The following PACC1 variants were observed in gnomAD, a reference collection of about 807,000 sequenced individuals.
The protein encoded by PACC1 is proton activated chloride channel 1, also known as proton-activated chloride channel.
Under a neutral mutation model 39.7 loss-of-function variants are expected in PACC1, and 34 were observed. The ratio of observed to expected loss-of-function variants is 0.86; its 90% confidence interval spans 0.65 to 1.14. The LOEUF (loss-of-function observed/expected upper bound fraction) is 1.14. Among genes scored for constraint, PACC1 ranks in the 50% most tolerant of loss-of-function variants. PACC1 has a pLI of 0.00. For missense variants in PACC1, 379 were observed against 436.4 expected (o/e 0.87, Z 1.17); for synonymous variants, 127 against 160.6 (o/e 0.79, Z 1.58).
chr1:212,369,700 G>A (rs889233715), intron 7 of PACC1, among the ~76,000 whole-genome samples: 2 of 150,626 alleles, frequency 1.3e-5, no homozygotes, highest in African/African-American at 4.9e-5. Context: ...AGAATCACTT[G>A]AACCCGGGAG....
At chr1:212,378,062 C>T (rs1026438214) in intron 5 of PACC1, among the ~76,000 whole-genome samples, 7 of 152,132 alleles carry the variant, frequency 4.6e-5, no homozygotes, top group Non-Finnish European at 7.3e-5. Flanking sequence ...CAGAACATGG[C>T]GCTCACAGCT....
chr1:212,392,078 A>C (rs1329810350), intron 2 of PACC1, among the ~76,000 whole-genome samples: 1 of 152,234 alleles, frequency 6.6e-6, no homozygotes, highest in African/African-American at 2.4e-5. Context: ...ATTCAAATTC[A>C]GGAAATACAG....
chr1:212,380,933 G>GA (rs1229833893), intron 4 of PACC1, among the ~76,000 whole-genome samples: 1 of 152,150 alleles, frequency 6.6e-6, no homozygotes, highest in Non-Finnish European at 1.5e-5. Flanking sequence ...TGAATTTATA[G>GA]ATTAATTTTA....
In PACC1 at chr1:212,379,933, A is replaced by G; in HGVS notation, c.600T>C (p.Asp200=). Residue 200 remains aspartate (D), a synonymous_variant, in exon 5 of 8, where the codon GAT becomes GAC. Coordinates refer to ENST00000261455, the MANE Select transcript of PACC1 (RefSeq NM_018252.3). ...NKSSEDFSAI[D]YLLFSSFQEF... ...CCTGGAAAGAAGAGAAGAGGAGGTA[A>G]TCAATGGCGCTGAAGTCCTCACTAC... 6.2e-7 allele frequency: 1 copy of G among 1,614,228 alleles called. No homozygotes were observed. The highest frequency in any genetic ancestry group is 8.5e-7 in the Non-Finnish European group (1 of 1,180,028).
chr1:212,365,435 T>A, intron 7 of PACC1, 59 bp from the exon 8 acceptor site: 1 of 1,472,732 alleles, frequency 6.8e-7, no homozygotes, highest in Non-Finnish European at 9.0e-7. Context: ...GATTCTTTTT[T>A]TTTTTTTTTT....
intron 4 of PACC1, among the ~76,000 whole-genome samples, chr1:212,383,764 G>A (rs1270207906): frequency 1.3e-5 from 2 of 152,214 alleles, no homozygotes; most frequent in African/African-American, 4.8e-5. Context: ...AGCACACTGA[G>A]TTTTCCAGTG....
chr1:212,394,530 C>G (rs1221783484), intron 2 of PACC1, among the ~76,000 whole-genome samples: 1 of 152,140 alleles, frequency 6.6e-6, no homozygotes, highest in Non-Finnish European at 1.5e-5. Flanking sequence ...TGGCACAAGA[C>G]AGGGATGCCC....
rs534515809 is a variant in PACC1, at chr1:212,386,558, C to A, written c.343+333G>T. 1.3e-5 allele frequency among the ~76,000 whole-genome samples: 2 copies of A among 152,274 alleles called. No individual in the cohort carries two copies. Among genetic ancestry groups the A allele is most frequent in the South Asian group, 4.1e-4 (2 of 4,826 alleles). On this transcript the variant is annotated intron_variant, in intron 3 of 7. Coordinates refer to ENST00000261455, the MANE Select transcript of PACC1 (RefSeq NM_018252.3). The surrounding 1 kb of genome is among the most constrained non-coding windows in gnomAD (Gnocchi z 5.0). ...GAGAAGCCCTCTGCCTCCCTAGACA[C>A]CCCTTCGCTCTGCTGATCCCCATCC...
At chr1:212,381,104 C>T (rs1660862734) in intron 4 of PACC1, among the ~76,000 whole-genome samples, 1 of 152,194 alleles carries the variant, frequency 6.6e-6, no homozygotes, top group East Asian at 1.9e-4. Context: ...CTTATCCTTT[C>T]TAGTTTTTGT....
chr1:212,385,372 C>T lies in PACC1; in HGVS notation c.397G>A (p.Glu133Lys), dbSNP rs1006449616. Residue 133 changes from glutamate (E) to lysine (K), a missense_variant, in exon 4 of 8, where the codon GAG becomes AAG. Glu to Lys is a moderately conservative substitution (Grantham distance 56). Coordinates refer to ENST00000261455, the MANE Select transcript of PACC1 (RefSeq NM_018252.3). Reference sequence around the variant, plus strand: ...GGGCTTGTCAGAGGAGGAATGACCTCGTAATGGTGCTTACAGCTGAGCAAC... The same window carrying T: ...GGGCTTGTCAGAGGAGGAATGACCTTGTAATGGTGCTTACAGCTGAGCAAC... ...AQLLSCKHHY[E>K]VIPPLTSPGQ... 1.9e-6 allele frequency: 3 copies of T among 1,613,974 alleles called. No individual in the cohort carries two copies. The highest frequency in any genetic ancestry group is 2.2e-5 in the South Asian group (2 of 91,038).
At chr1:212,378,507 C>T (rs1419202265) in intron 5 of PACC1, among the ~76,000 whole-genome samples, 5 of 152,200 alleles carry the variant, frequency 3.3e-5, no homozygotes, top group Admixed American at 6.5e-5. Context: ...GCCTCCCTGC[C>T]CCTGTAGCTG....
rs562361338 is a variant in PACC1, at chr1:212,372,319, A to C, written c.891+2874T>G. The stretch of plus-strand genomic sequence containing the variant: ...ACAAAAAACAAAAAACAAAAAAAAA[A>C]CAAAAAACTCAACAAACTGAGTATA... On this transcript the variant is annotated intron_variant, in intron 7 of 7. Coordinates refer to ENST00000261455, the MANE Select transcript of PACC1 (RefSeq NM_018252.3). Among the ~76,000 whole-genome samples the C allele has an allele frequency of 3.3e-3, 504 of 151,910 alleles. 1 individual carries two copies. The highest frequency in any genetic ancestry group is 5.5e-3 in the Non-Finnish European group (377 of 67,942).
At chr1:212,375,670 A>G (rs977989921) in intron 6 of PACC1, among the ~76,000 whole-genome samples, 22 of 152,202 alleles carry the variant, frequency 1.4e-4, no homozygotes, top group Non-Finnish European at 1.2e-4. Context: ...AGATCACCTG[A>G]GGTCAGGAGT....
At chr1:212,383,090 G>A (rs1660965032) in intron 4 of PACC1, among the ~76,000 whole-genome samples, 1 of 152,198 alleles carries the variant, frequency 6.6e-6, no homozygotes, top group African/African-American at 2.4e-5. Context: ...GGTGGATAGG[G>A]AGGAGATAAC....
chr1:212,405,314 G>A (rs1558182486), intron 2 of PACC1, among the ~76,000 whole-genome samples: 1 of 152,326 alleles, frequency 6.6e-6, no homozygotes, highest in East Asian at 1.9e-4. Context: ...CAGTAAAGGA[G>A]GAGAAGACAA....
At chr1:212,404,838 G>A (rs1661849423) in intron 2 of PACC1, among the ~76,000 whole-genome samples, 1 of 151,778 alleles carries the variant, frequency 6.6e-6, no homozygotes, top group Non-Finnish European at 1.5e-5. Context: ...GCACAATCTC[G>A]GCTCATTGCA....
intron 5 of PACC1, among the ~76,000 whole-genome samples, chr1:212,378,750 C>T (rs1436234754): frequency 6.6e-6 from 1 of 152,116 alleles, no homozygotes; most frequent in South Asian, 2.1e-4. Flanking sequence ...ACCAGAGATG[C>T]AGTAGACCCT....
intron 2 of PACC1, among the ~76,000 whole-genome samples, chr1:212,402,387 T>C (rs1050424060): frequency 1.1e-4 from 16 of 152,220 alleles, no homozygotes; most frequent in South Asian, 2.1e-4. Context: ...CTCATCGTGA[T>C]TTAGAGTTGC....
intron 7 of PACC1, among the ~76,000 whole-genome samples, chr1:212,367,232 C>T (rs1302959072): frequency 1.3e-5 from 2 of 152,152 alleles, no homozygotes; most frequent in Non-Finnish European, 2.9e-5. Flanking sequence ...GGTGAGAGAT[C>T]ACAGTATCTG....
Sources: gnomAD v4.1 joint callset for allele counts (sites outside exome capture counted in the v4.1 genomes callset) on GRCh38, gnomAD v4.1.1 for gene constraint, Gnocchi (gnomAD v3.1) non-coding constraint, MANE v1.5 for transcripts, NCBI Gene and HGNC (gene_info 2026-07-23, HGNC 2026-07-21) for gene names.